Variants in PCNX2 observed in about 807,000 individuals in gnomAD.
PCNX2 encodes the protein pecanex 2.
PCNX2 carries 168 observed loss-of-function variants against 223.8 expected under a neutral mutation model. The observed-to-expected ratio is 0.75, with a 90% CI of 0.66 to 0.85. The LOEUF is 0.85. Among genes scored for constraint, PCNX2 ranks in the 40% least tolerant of loss-of-function variants. The pLI, the probability that PCNX2 is intolerant of heterozygous loss-of-function variation, is 0.00. For missense variants in PCNX2, 2,507 were observed against 2,675.5 expected, an observed-to-expected ratio of 0.94 and a Z score of 1.39; for synonymous variants, 1,006 against 1,052.6, an observed-to-expected ratio of 0.96 and a Z score of 0.86.
chr1:233,000,259 G>A lies in PCNX2; in HGVS notation c.5328+46C>T. 2 of 1,553,552 alleles carry A rather than the reference G, an allele frequency of 1.3e-6. No homozygotes were observed. The highest frequency in any genetic ancestry group is 1.1e-5 in the South Asian group (1 of 89,576). ...CCACCATTCTATTTCTTCTCAGATAGAGAGACACGAGCCAACAGGGGACCC... is the reference window on the plus strand; with the variant it reads ...CCACCATTCTATTTCTTCTCAGATAAAGAGACACGAGCCAACAGGGGACCC... On this transcript the variant is annotated intron_variant, in intron 30 of 33. Coordinates refer to ENST00000258229, the MANE Select transcript of PCNX2 (RefSeq NM_014801.4). This position sits in a 1 kb window ranked among gnomAD's most constrained non-coding sequence, Gnocchi z 4.6.
chr1:233,197,455 G>C (rs1044496514), intron 15 of PCNX2, among the ~76,000 whole-genome samples: 1 of 152,044 alleles, frequency 6.6e-6, no homozygotes, highest in Middle Eastern at 3.2e-3. Context: ...AAGTATACCT[G>C]GGATCCTATG....
intron 17 of PCNX2, among the ~76,000 whole-genome samples, chr1:233,167,445 T>C (rs1299116294): frequency 6.6e-6 from 1 of 152,102 alleles, no homozygotes; most frequent in African/African-American, 2.4e-5. Flanking sequence ...TTAGAAATTA[T>C]AAAGTAGCAG....
At chr1:233,231,124 A>G (rs916667649) in intron 9 of PCNX2, among the ~76,000 whole-genome samples, 1 of 152,168 alleles carries the variant, frequency 6.6e-6, no homozygotes, top group Non-Finnish European at 1.5e-5. Flanking sequence ...CCAAGGTCCT[A>G]GATTAGGAAG....
intron 25 of PCNX2, chr1:233,047,493 A>T (rs1459078937): frequency 2.7e-6 from 2 of 742,014 alleles, no homozygotes; most frequent in Non-Finnish European, 3.3e-6. Context: ...GCTCTAAAAG[A>T]TTTTACCTTA....
At chr1:233,018,916 T>C (rs1341720218) in intron 26 of PCNX2, 1 of 985,308 alleles carries the variant, frequency 1.0e-6, no homozygotes, top group African/African-American at 1.7e-5. Flanking sequence ...AAACGAATAT[T>C]GGGTGGACGG....
At chr1:233,023,350 T>A (rs942698735) in intron 26 of PCNX2, among the ~76,000 whole-genome samples, 1 of 152,186 alleles carries the variant, frequency 6.6e-6, no homozygotes, top group African/African-American at 2.4e-5. Context: ...CCAGGTGGCA[T>A]GTGACAATGT....
chr1:233,181,311 T>C lies in PCNX2; in HGVS notation c.3067-2136A>G, dbSNP rs1319509392. ...ACCTCCCGGGTTCAAGCAATTCTCA[T>C]ACCTCAGCTTCCCAAGTAGCTGGGA... On this transcript the variant is annotated intron_variant, in intron 15 of 33. Coordinates refer to ENST00000258229, the MANE Select transcript of PCNX2 (RefSeq NM_014801.4). Among the ~76,000 whole-genome samples the C allele has an allele frequency of 3.3e-5, 5 of 150,888 alleles. No individual in the cohort carries two copies. The South Asian group carries it at 8.4e-4, about 25-fold the overall frequency.
At chr1:233,275,756 G>C (rs1660872996) in intron 1 of PCNX2, among the ~76,000 whole-genome samples, 1 of 151,824 alleles carries the variant, frequency 6.6e-6, no homozygotes, top group African/African-American at 2.4e-5. Context: ...GTGAGGCTGG[G>C]CTCAGTGGCT....
intron 21 of PCNX2, among the ~76,000 whole-genome samples, chr1:233,129,436 A>G (rs1000212943): frequency 3.9e-5 from 6 of 152,172 alleles, no homozygotes; most frequent in Admixed American, 2.0e-4. Context: ...GCCTCCCCGA[A>G]GAGCGCTGCC....
At chr1:233,289,617 AG>A (rs1438008565) in intron 1 of PCNX2, among the ~76,000 whole-genome samples, 1 of 152,254 alleles carries the variant, frequency 6.6e-6, no homozygotes, top group Non-Finnish European at 1.5e-5. Flanking sequence ...GATAGTGCAA[AG>A]GATCAGGCAT....
intron 10 of PCNX2, among the ~76,000 whole-genome samples, chr1:233,222,068 A>G (rs1406916263): frequency 6.6e-6 from 1 of 152,220 alleles, no homozygotes; most frequent in Non-Finnish European, 1.5e-5. Flanking sequence ...TGCAACAGAA[A>G]AAAGAATAGA....
intron 15 of PCNX2, among the ~76,000 whole-genome samples, chr1:233,185,596 C>G (rs1454083968): frequency 1.3e-5 from 2 of 152,128 alleles, no homozygotes; most frequent in African/African-American, 4.8e-5. Context: ...GAGCTACCTG[C>G]CTATTTCAGT....
At chr1:233,326,804 A>G in the PCNX2 span, among the ~76,000 whole-genome samples, 1 of 152,194 alleles carries the variant, frequency 6.6e-6, no homozygotes, top group Non-Finnish European at 1.5e-5. Context: ...TTTTAGCCTC[A>G]TCACCTGCCA....
chr1:233,044,798 A>T (rs1474765339), intron 25 of PCNX2, among the ~76,000 whole-genome samples: 1 of 151,872 alleles, frequency 6.6e-6, no homozygotes, highest in Non-Finnish European at 1.5e-5. Context: ...CCTCCCGAGT[A>T]GCTGTGATTA....
intron 17 of PCNX2, among the ~76,000 whole-genome samples, chr1:233,171,672 A>G (rs1028781148): frequency 6.6e-6 from 1 of 151,852 alleles, no homozygotes; most frequent in Non-Finnish European, 1.5e-5. Flanking sequence ...TTTTTTCTTT[A>G]ATTTACCCTA....
intron 10 of PCNX2, among the ~76,000 whole-genome samples, chr1:233,221,256 A>G (rs1033050507): frequency 1.3e-5 from 2 of 151,798 alleles, no homozygotes; most frequent in Non-Finnish European, 1.5e-5. Context: ...GGTATCTTTT[A>G]TTTTCCACTG....
At chr1:233,200,360 C>CA in intron 13 of PCNX2, 96 bp from the exon 14 acceptor site, 1 of 724,438 alleles carries the variant, frequency 1.4e-6, no homozygotes, top group Admixed American at 3.3e-5. Context: ...CAAACCACCC[C>CA]ACCCAGGAAT....
At chr1:233,145,309 T>C (rs577019517) in intron 19 of PCNX2, among the ~76,000 whole-genome samples, 53 of 152,310 alleles carry the variant, frequency 3.5e-4, no homozygotes, top group Non-Finnish European at 6.6e-4. Flanking sequence ...CATTCTCCTA[T>C]GGTTTTCTCT....
intron 19 of PCNX2, among the ~76,000 whole-genome samples, chr1:233,157,544 C>T (rs936725188): frequency 5.3e-5 from 8 of 152,148 alleles, no homozygotes; most frequent in African/African-American, 1.9e-4. Flanking sequence ...CCTGCTCTGC[C>T]CTGCCTTCTT....
Sources: gnomAD v4.1 joint callset for allele counts (sites outside exome capture counted in the v4.1 genomes callset) on GRCh38, gnomAD v4.1.1 for gene constraint, Gnocchi (gnomAD v3.1) non-coding constraint, MANE v1.5 for transcripts, NCBI Gene and HGNC (gene_info 2026-07-23, HGNC 2026-07-21) for gene names.